Variants in ERBB4 observed in about 807,000 individuals in gnomAD.
ERBB4 encodes the protein receptor tyrosine-protein kinase erbB-4.
In ERBB4, 42 loss-of-function variants were observed where a neutral mutation model predicts 158.0. The observed-to-expected ratio is 0.27, with a 90% CI of 0.21 to 0.34. The LOEUF is 0.34. Among genes scored for constraint, ERBB4 ranks in the 10% least tolerant of loss-of-function variants. ERBB4 has a pLI of 1.00. For synonymous variants in ERBB4, 583 were observed against 558.7 expected (o/e 1.04, Z -0.61); for missense variants, 1,333 against 1,624.1 (o/e 0.82, Z 3.08).
At chr2:212,094,396 G>C (rs1200432427) in intron 2 of ERBB4, among the ~76,000 whole-genome samples, 1 of 147,112 alleles carries the variant, frequency 6.8e-6, no homozygotes, top group Non-Finnish European at 1.5e-5. Context: ...GAAATTAATA[G>C]CTATGTTTTC....
rs930811013 is a variant in ERBB4 at position 212,328,799 on chromosome 2, T to C, written c.83-203896A>G. Among the ~76,000 whole-genome samples the C allele has an allele frequency of 3.3e-5, 5 of 152,058 alleles. No individual in the cohort carries two copies. The East Asian group carries it at 5.8e-4, about 18-fold the overall frequency. On this transcript the variant is annotated intron_variant, in intron 1 of 27. Transcript: ENST00000342788. ...CTAATTTCCCTTGTGCTATTTTATA[T>C]GGAAACATTTAGTTTACATAAAAAT...
chr2:211,443,063 A>G (rs1479077622), intron 20 of ERBB4, among the ~76,000 whole-genome samples: 1 of 150,264 alleles, frequency 6.7e-6, no homozygotes, highest in Non-Finnish European at 1.5e-5. Flanking sequence ...TCCTCTCCCT[A>G]CTCCTTACTC....
At chr2:212,192,046 A>G (rs1559707742) in intron 1 of ERBB4, among the ~76,000 whole-genome samples, 2 of 44,340 alleles carry the variant, frequency 4.5e-5, no homozygotes, top group African/African-American at 7.1e-5. Flanking sequence ...TGTTATATAT[A>G]TGTTATATGT....
chr2:211,896,552 C>G (rs1009633248), intron 3 of ERBB4, among the ~76,000 whole-genome samples: 1 of 151,954 alleles, frequency 6.6e-6, no homozygotes, highest in South Asian at 2.1e-4. Flanking sequence ...TTATTTCTAC[C>G]TTTTCTTCCC....
At chr2:211,657,731 A>C (rs2071270911) in intron 16 of ERBB4, 23 bp downstream of exon 16, 1 of 1,592,792 alleles carries the variant, frequency 6.3e-7, no homozygotes, top group Non-Finnish European at 8.6e-7. Flanking sequence ...TGAGCGACAA[A>C]ATGGAAACAT....
chr2:212,468,007 G>A (rs1004257597), intron 1 of ERBB4, among the ~76,000 whole-genome samples: 1 of 152,170 alleles, frequency 6.6e-6, no homozygotes, highest in African/African-American at 2.4e-5. Context: ...TGCCCTGCTG[G>A]ATTCTGGATA....
At chr2:212,482,040 T>TA (rs765668634) in intron 1 of ERBB4, among the ~76,000 whole-genome samples, 2 of 152,214 alleles carry the variant, frequency 1.3e-5, no homozygotes, top group Non-Finnish European at 2.9e-5. Context: ...CACTTCTCTA[T>TA]AAACAGTCTG....
At chr2:211,577,999 T>C (rs542636964) in intron 19 of ERBB4, among the ~76,000 whole-genome samples, 32 of 152,146 alleles carry the variant, frequency 2.1e-4, no homozygotes, top group Admixed American at 3.9e-4. Context: ...GGTATTCAAA[T>C]AGGAAGCGAG....
At chr2:212,452,890 T>G (rs890826603) in intron 1 of ERBB4, among the ~76,000 whole-genome samples, 1 of 152,188 alleles carries the variant, frequency 6.6e-6, no homozygotes, top group Non-Finnish European at 1.5e-5. Flanking sequence ...CAAGGAAATG[T>G]AAAAGGTAGC....
At chr2:212,299,019 G>A (rs2086522837) in intron 1 of ERBB4, among the ~76,000 whole-genome samples, 1 of 151,632 alleles carries the variant, frequency 6.6e-6, no homozygotes, top group Non-Finnish European at 1.5e-5. Context: ...TGTGAGCTCA[G>A]TTTTTAAAGT....
Position 211,722,379 on chromosome 2 carries a change from A to C in ERBB4, c.883+14T>G, listed in dbSNP as rs1327223581. 1.9e-6 allele frequency: 3 copies of C among 1,605,728 alleles called. No homozygotes were observed. The highest frequency in any genetic ancestry group is 3.3e-5 in the Admixed American group (2 of 60,014). On this transcript the variant is annotated intron_variant, in intron 7 of 27. Coordinates refer to ENST00000342788, the MANE Select transcript of ERBB4 (RefSeq NM_005235.3). ...TGACCTAATTAATTTGGTTATTCTT[A>C]TTCTGTTACTTACGTGGACATTTCT...
At position 212,102,090 on chromosome 2, in the gene ERBB4, TTATATA is replaced by T. The variant is rs57567965; in HGVS notation, c.234+22656_234+22661del. Among the ~76,000 whole-genome samples, 12 of 107,978 alleles carry T rather than the reference TTATATA, an allele frequency of 1.1e-4. 1 individual carries two copies. The highest frequency in any genetic ancestry group is 3.0e-4 in the Admixed American group (3 of 10,088). 70.8% of individuals were successfully genotyped at this position (107,978 alleles called of 152,430 possible). A position where few individuals can be genotyped will look rare whatever the true frequency, so the allele number is the denominator to read the frequency against. On this transcript the variant is annotated intron_variant, in intron 2 of 27. Coordinates refer to ENST00000342788, the MANE Select transcript of ERBB4 (RefSeq NM_005235.3). ...AAATCATATACGTTGAAAATTTATT[TTATATA>T]TATATATATATATATATGTCAGGTC...
At chr2:211,690,594 A>T (rs1275928730) in intron 12 of ERBB4, among the ~76,000 whole-genome samples, 1 of 152,226 alleles carries the variant, frequency 6.6e-6, no homozygotes, top group East Asian at 1.9e-4. Context: ...AGACCAATAG[A>T]TGATGGAAGT....
chr2:211,741,813 G>C lies in ERBB4; in HGVS notation c.622+8826C>G, dbSNP rs115740039. Among the ~76,000 whole-genome samples, 1,078 of 152,148 alleles carry C rather than the reference G, an allele frequency of 7.1e-3. 9 individuals are homozygous for C. The highest frequency in any genetic ancestry group is 0.025 in the African/African-American group (1,025 of 41,518). On this transcript the variant is annotated intron_variant, in intron 5 of 27. Coordinates refer to ENST00000342788, the MANE Select transcript of ERBB4 (RefSeq NM_005235.3). ...TCCTGTAGTTAAAATGAAACAACTT[G>C]TTCTTTTAAATCTTTGAGAAAAGTC...
intron 3 of ERBB4, among the ~76,000 whole-genome samples, chr2:211,802,766 C>T (rs2076529022): frequency 6.6e-6 from 1 of 152,206 alleles, no homozygotes; most frequent in Admixed American, 6.5e-5. Context: ...CCTACAGAAC[C>T]ATCTGCTTGT....
chr2:211,417,144 G>T (rs746340169), intron 25 of ERBB4, among the ~76,000 whole-genome samples: 1 of 151,958 alleles, frequency 6.6e-6, no homozygotes, highest in Non-Finnish European at 1.5e-5. Context: ...TTTACATCAC[G>T]CTAGAGTAAA....
intron 5 of ERBB4, among the ~76,000 whole-genome samples, chr2:211,742,687 A>G (rs2074836484): frequency 6.6e-6 from 1 of 152,082 alleles, no homozygotes; most frequent in Admixed American, 6.5e-5. Flanking sequence ...TAAATTACTG[A>G]GGAAAATGCT....
chr2:211,690,295 T>C (rs1470324513), intron 12 of ERBB4, among the ~76,000 whole-genome samples: 1 of 152,094 alleles, frequency 6.6e-6, no homozygotes, highest in East Asian at 1.9e-4. Flanking sequence ...TTTGCTATCT[T>C]CTCCCTCTTG....
chr2:211,744,316 T>C (rs1215853451), intron 5 of ERBB4, among the ~76,000 whole-genome samples: 1 of 152,216 alleles, frequency 6.6e-6, no homozygotes, highest in Admixed American at 6.5e-5. Context: ...TACTAACTTT[T>C]ACTAAAAATA....
Sources: allele counts gnomAD v4.1 joint callset (sites outside exome capture counted in the v4.1 genomes callset), GRCh38; gene constraint gnomAD v4.1.1; transcripts MANE v1.5; gene names NCBI Gene and HGNC (gene_info 2026-07-23, HGNC 2026-07-21).